Variants in COL19A1 observed in about 807,000 individuals in gnomAD.
COL19A1 encodes collagen type XIX alpha 1 chain.
A neutral mutation model predicts 190.2 loss-of-function variants in COL19A1; 159 were observed. That is an observed-to-expected ratio of 0.84 (90% CI 0.73 to 0.95). The LOEUF (loss-of-function observed/expected upper bound fraction) is 0.95, where lower values mean the gene tolerates loss of function less well. Ranked by LOEUF, COL19A1 falls within the 40% of genes least tolerant of loss-of-function variation. The pLI, the probability that COL19A1 is intolerant of heterozygous loss-of-function variation, is 0.00. For synonymous variants in COL19A1, 509 were observed against 458.9 expected, an observed-to-expected ratio of 1.11 and a Z score of -1.39; for missense variants, 1,418 against 1,431.9, an observed-to-expected ratio of 0.99 and a Z score of 0.16.
At chr6:69,912,283 G>A (rs1306875625) in intron 4 of COL19A1, among the ~76,000 whole-genome samples, 2 of 151,980 alleles carry the variant, frequency 1.3e-5, no homozygotes, top group Non-Finnish European at 1.5e-5. Context: ...ATTCTGACTT[G>A]TGTAATCTAA....
intron 15 of COL19A1, among the ~76,000 whole-genome samples, chr6:70,092,431 T>G (rs1782989225): frequency 6.6e-6 from 1 of 151,982 alleles, no homozygotes; most frequent in Admixed American, 6.6e-5. Flanking sequence ...TTAATCATCT[T>G]AATATATTTT....
chr6:70,078,843 G>T (rs575551191), intron 15 of COL19A1, among the ~76,000 whole-genome samples: 4 of 152,156 alleles, frequency 2.6e-5, no homozygotes, highest in Non-Finnish European at 5.9e-5. Flanking sequence ...GAGGCGGGCA[G>T]GTAACTTGAG....
chr6:70,044,307 T>C (rs1012638197), intron 14 of COL19A1, among the ~76,000 whole-genome samples: 2 of 152,216 alleles, frequency 1.3e-5, no homozygotes, highest in African/African-American at 4.8e-5. Context: ...TTTTGCTTTC[T>C]TATCATTTGT....
chr6:70,143,408 C>T (rs1296520618), intron 23 of COL19A1, among the ~76,000 whole-genome samples: 1 of 152,116 alleles, frequency 6.6e-6, no homozygotes, highest in African/African-American at 2.4e-5. Flanking sequence ...AGCCTTCTGA[C>T]AACTTGGGAG....
Position 70,188,356 on chromosome 6 carries a change from G to A in COL19A1, c.3027+111G>A, listed in dbSNP as rs551959036. On this transcript the variant is annotated intron_variant, in intron 47 of 50. Coordinates refer to ENST00000620364, the MANE Select transcript of COL19A1 (RefSeq NM_001858.6). ...AAATAAATAAAACAAACCTAAACTG[G>A]TCCCCGTGAGGGCAATAATAGCTGT... is the stretch of plus-strand genomic sequence containing the variant. 2.4e-6 allele frequency: 3 copies of A among 1,272,394 alleles called. 1 individual carries two copies. The highest frequency in any genetic ancestry group is 3.2e-5 in the Admixed American group (1 of 31,206). The allele number at this position is 1,272,394 out of a possible 1,614,324, so 78.8% of individuals were successfully genotyped here. A position where few individuals can be genotyped will look rare whatever the true frequency, so the allele number is the denominator to read the frequency against.
intron 11 of COL19A1, among the ~76,000 whole-genome samples, chr6:69,989,535 CATA>C (rs1776498202): frequency 6.7e-6 from 1 of 149,042 alleles, no homozygotes; most frequent in South Asian, 2.1e-4. Flanking sequence ...CGTAAACTAA[CATA>C]ATGAGAGTTT....
chr6:70,096,724 T>C (rs552141156), intron 15 of COL19A1, among the ~76,000 whole-genome samples: 143 of 152,298 alleles, frequency 9.4e-4, no homozygotes, highest in African/African-American at 3.1e-3. Context: ...TCTACAGGAT[T>C]GCCTGACTTT....
chr6:70,077,996 T>C (rs1285305259), intron 15 of COL19A1, among the ~76,000 whole-genome samples: 4 of 152,224 alleles, frequency 2.6e-5, no homozygotes, highest in African/African-American at 9.7e-5. Context: ...CTTCCAAATC[T>C]TTTGCAGAAA....
chr6:70,162,051 C>A lies in COL19A1; in HGVS notation c.2346+98C>A, dbSNP rs897959279. 14 of 1,097,812 alleles carry A rather than the reference C, an allele frequency of 1.3e-5. No homozygotes were observed. The East Asian group carries it at 3.1e-4, about 25-fold the overall frequency. The allele number at this position is 1,097,812 out of a possible 1,614,324, so 68.0% of individuals were successfully genotyped here. On this transcript the variant is annotated intron_variant, in intron 35 of 50. Coordinates refer to ENST00000620364, the MANE Select transcript of COL19A1 (RefSeq NM_001858.6). ...TCATTGCCTTTTGTTCTCTGTGCCT[C>A]TATGTAGATTGTCCAGATATTGCCT...
intron 14 of COL19A1, among the ~76,000 whole-genome samples, chr6:70,039,679 G>C (rs16868469): frequency 0.014 from 2,137 of 152,114 alleles, 37 homozygotes; most frequent in South Asian, 0.049. Context: ...AAGAAATTAA[G>C]AGAAATAGTA....
chr6:69,931,277 C>T (rs1161837558), intron 6 of COL19A1, among the ~76,000 whole-genome samples: 1 of 152,228 alleles, frequency 6.6e-6, no homozygotes, highest in South Asian at 2.1e-4. Context: ...TGACAAGCAT[C>T]AGTACAGATT....
chr6:69,921,261 CATATATCAT>C (rs1171065718), intron 4 of COL19A1, among the ~76,000 whole-genome samples: 25 of 129,258 alleles, frequency 1.9e-4, no homozygotes, highest in African/African-American at 7.0e-4. Flanking sequence ...TATATCATAT[CATATATCAT>C]ATATATCATA....
At chr6:70,083,504 G>T (rs1041543541) in intron 15 of COL19A1, among the ~76,000 whole-genome samples, 3 of 152,010 alleles carry the variant, frequency 2.0e-5, no homozygotes, top group Non-Finnish European at 4.4e-5. Flanking sequence ...ATGACAGATT[G>T]GATATTTTAA....
chr6:70,007,587 G>A (rs180895862), intron 11 of COL19A1, among the ~76,000 whole-genome samples: 7 of 151,972 alleles, frequency 4.6e-5, no homozygotes, highest in Non-Finnish European at 8.8e-5. Flanking sequence ...AGCAGAGACG[G>A]ACAGAAATGA....
At position 70,092,324 on chromosome 6, in the gene COL19A1, G is replaced by A. The variant is rs200266649; in HGVS notation, c.1225-9845G>A. Among the ~76,000 whole-genome samples, 40 of 152,246 alleles carry A rather than the reference G, an allele frequency of 2.6e-4. No homozygotes were observed. In the East Asian group the frequency reaches 6.2e-3, roughly 24 times the overall value. On this transcript the variant is annotated intron_variant, in intron 15 of 50. Coordinates refer to ENST00000620364, the MANE Select transcript of COL19A1 (RefSeq NM_001858.6). ...CCCTCCACTCCAGAGGGAAACTGGA[G>A]TGCTGAGGTCATCTATAACCAAATG...
intron 46 of COL19A1, 50 bp downstream of exon 46, chr6:70,184,965 GTCCCA>G: frequency 6.4e-7 from 1 of 1,556,294 alleles, no homozygotes; most frequent in East Asian, 2.3e-5. Flanking sequence ...TGTTACAACT[GTCCCA>G]TCATTTGAGT....
intron 48 of COL19A1, among the ~76,000 whole-genome samples, chr6:70,193,270 G>C (rs907900974): frequency 1.3e-5 from 2 of 152,202 alleles, no homozygotes; most frequent in African/African-American, 4.8e-5. Flanking sequence ...AGGCCATTCT[G>C]TGGCTACTCT....
intron 4 of COL19A1, among the ~76,000 whole-genome samples, chr6:69,918,508 G>C (rs929327253): frequency 1.3e-5 from 2 of 152,036 alleles, no homozygotes; most frequent in Admixed American, 6.6e-5. Context: ...ACCCGCCTAG[G>C]AAACATGGCG....
intron 17 of COL19A1, among the ~76,000 whole-genome samples, chr6:70,124,571 A>T (rs1368336501): frequency 3.3e-5 from 5 of 150,964 alleles, no homozygotes; most frequent in African/African-American, 1.2e-4. Flanking sequence ...AAAAAAAAAA[A>T]TGGGCACTGA....
Sources: allele counts gnomAD v4.1 joint callset (sites outside exome capture counted in the v4.1 genomes callset), GRCh38; gene constraint gnomAD v4.1.1; transcripts MANE v1.5; gene names NCBI Gene and HGNC (gene_info 2026-07-23, HGNC 2026-07-21).